The following APBB2 variants were observed in gnomAD, a reference collection of about 807,000 sequenced individuals.
APBB2 encodes the protein Fe65-like 1.
Under a neutral mutation model 82.5 loss-of-function variants are expected in APBB2, and 38 were observed. That is an observed-to-expected ratio of 0.46 (90% CI 0.36 to 0.60). APBB2 has a LOEUF of 0.60. APBB2 is among the 20% of genes least tolerant of loss of function. The pLI, the probability that APBB2 is intolerant of heterozygous loss-of-function variation, is 0.00. For missense variants in APBB2, 772 were observed against 972.3 expected, an observed-to-expected ratio of 0.79 and a Z score of 2.74; for synonymous variants, 341 against 368.2, an observed-to-expected ratio of 0.93 and a Z score of 0.85.
chr4:40,886,749 C>T (rs1448012463), intron 12 of APBB2, among the ~76,000 whole-genome samples: 1 of 152,180 alleles, frequency 6.6e-6, no homozygotes, highest in African/African-American at 2.4e-5. Flanking sequence ...TTCTAAGGCC[C>T]AGTGCACACA....
chr4:41,145,127 C>T, intron 1 of APBB2, among the ~76,000 whole-genome samples: 1 of 152,104 alleles, frequency 6.6e-6, no homozygotes, highest in East Asian at 1.9e-4. Context: ...TTCAAATACA[C>T]AAATAAATTA....
chr4:41,210,945 T>A (rs1309034552), intron 1 of APBB2, among the ~76,000 whole-genome samples: 2 of 152,206 alleles, frequency 1.3e-5, no homozygotes, highest in African/African-American at 4.8e-5. Flanking sequence ...CTTAATAGGA[T>A]AATAGGACAC....
intron 6 of APBB2, among the ~76,000 whole-genome samples, chr4:40,979,486 C>T (rs62412064): frequency 0.26 from 39,260 of 152,136 alleles, 5,247 homozygotes; most frequent in Middle Eastern, 0.34. Context: ...AAGGATTTTA[C>T]ATATTTAATT....
At chr4:40,956,261 G>A (rs1791616893) in intron 6 of APBB2, among the ~76,000 whole-genome samples, 1 of 152,262 alleles carries the variant, frequency 6.6e-6, no homozygotes, top group East Asian at 1.9e-4. Flanking sequence ...CCAGAGCCAG[G>A]ACTCTGGGTT....
At chr4:41,163,761 CAT>C (rs1293529457) in intron 1 of APBB2, among the ~76,000 whole-genome samples, 11 of 152,146 alleles carry the variant, frequency 7.2e-5, no homozygotes, top group Non-Finnish European at 5.9e-5. Flanking sequence ...ATACTCTGGG[CAT>C]GTGAGTCTGA....
chr4:40,969,701 CA>C (rs1237399548), intron 6 of APBB2, among the ~76,000 whole-genome samples: 2 of 152,146 alleles, frequency 1.3e-5, no homozygotes. Flanking sequence ...GTTGTCATGA[CA>C]ACATGACTTC....
At chr4:41,134,837 G>A (rs184692973) in intron 2 of APBB2, among the ~76,000 whole-genome samples, 27 of 152,222 alleles carry the variant, frequency 1.8e-4, no homozygotes, top group Middle Eastern at 3.4e-3. Context: ...ACTTCATTTC[G>A]TTCCCTCCAG....
chr4:40,952,544 T>C (rs184275957), intron 6 of APBB2, among the ~76,000 whole-genome samples: 1 of 152,372 alleles, frequency 6.6e-6, no homozygotes, highest in African/African-American at 2.4e-5. Flanking sequence ...GTGAAACTTC[T>C]AGGTTTCTCT....
chr4:41,108,710 T>G (rs1748117530), intron 2 of APBB2, among the ~76,000 whole-genome samples: 1 of 152,324 alleles, frequency 6.6e-6, no homozygotes, highest in South Asian at 2.1e-4. Flanking sequence ...TGGCTGAGCC[T>G]GCATCAAGGG....
At chr4:40,971,090 C>T (rs1462183315) in intron 6 of APBB2, among the ~76,000 whole-genome samples, 1 of 152,150 alleles carries the variant, frequency 6.6e-6, no homozygotes, top group Non-Finnish European at 1.5e-5. Context: ...CCTTCAAGCT[C>T]GCAATGATTC....
chr4:40,880,668 G>A (rs2154345714), intron 12 of APBB2: 3 of 985,438 alleles, frequency 3.0e-6, no homozygotes, highest in Middle Eastern at 1.0e-3. Context: ...AATCAAACAT[G>A]ATAGATCTCC....
intron 2 of APBB2, among the ~76,000 whole-genome samples, chr4:41,131,454 C>T (rs1755943985): frequency 6.6e-6 from 1 of 152,138 alleles, no homozygotes; most frequent in Admixed American, 6.5e-5. Context: ...CAATTACATA[C>T]AAACACATAC....
chr4:41,207,378 G>A (rs1186789009), intron 1 of APBB2, among the ~76,000 whole-genome samples: 1 of 152,100 alleles, frequency 6.6e-6, no homozygotes, highest in Non-Finnish European at 1.5e-5. Context: ...ATACTGCAGA[G>A]GTCTGGGCCA....
At position 40,830,391 on chromosome 4, in the gene APBB2, C is replaced by T. The variant is rs940196866; in HGVS notation, c.1644+72G>A. On this transcript the variant is annotated intron_variant, in intron 13 of 17. Transcript: ENST00000508593. Reference sequence around the variant, plus strand: ...CTGCAGGTTGATGTGCCCACTCCCCCGCCCTTCCACATCCTTTTATGCAGC... The same window carrying T: ...CTGCAGGTTGATGTGCCCACTCCCCTGCCCTTCCACATCCTTTTATGCAGC... 135 of 1,050,826 alleles carry T rather than the reference C, an allele frequency of 1.3e-4. 1 individual carries two copies. The highest frequency in any genetic ancestry group is 9.9e-4 in the South Asian group (78 of 78,902). 65.1% of individuals were successfully genotyped at this position (1,050,826 alleles called of 1,614,324 possible). A position where few individuals can be genotyped will look rare whatever the true frequency, so the allele number is the denominator to read the frequency against.
intron 10 of APBB2, among the ~76,000 whole-genome samples, chr4:40,928,880 G>A (rs187503760): frequency 1.6e-4 from 24 of 150,996 alleles, no homozygotes; most frequent in Non-Finnish European, 2.1e-4. Context: ...GTGAGCTCCC[G>A]TCTCAAAATG....
chr4:41,059,622 G>A (rs770044616), intron 4 of APBB2, among the ~76,000 whole-genome samples: 4 of 152,276 alleles, frequency 2.6e-5, no homozygotes, highest in Non-Finnish European at 5.9e-5. Flanking sequence ...TTAAGGGCAT[G>A]TTCCTGCTGC....
chr4:41,026,948 G>T (rs962706251), intron 5 of APBB2, among the ~76,000 whole-genome samples: 1 of 152,086 alleles, frequency 6.6e-6, no homozygotes, highest in African/African-American at 2.4e-5. Context: ...CAAAAAAAAA[G>T]TATCAAAGAA....
rs766666523 is a variant in APBB2 at position 40,982,221 on chromosome 4, G to GAAAAGAAAGAAAAGAAA, written c.835+31361_835+31362insTTTCTTTTCTTTCTTTT. Among the ~76,000 whole-genome samples, 120 of 12,892 alleles carry GAAAAGAAAGAAAAGAAA rather than the reference G, an allele frequency of 9.3e-3. 25 individuals are homozygous for GAAAAGAAAGAAAAGAAA. Among genetic ancestry groups the GAAAAGAAAGAAAAGAAA allele is most frequent in the East Asian group, 0.022 (8 of 370 alleles). The allele number at this position is 12,892 out of a possible 152,430, so 8.5% of individuals were successfully genotyped here. A position where few individuals can be genotyped will look rare whatever the true frequency, so the allele number is the denominator to read the frequency against. ...AAAGAAAGAAAAGAAAGAAAAGAAA[G>GAAAAGAAAGAAAAGAAA]GAAAGAAAGAAAGAAAGAAAGAAAG... On this transcript the variant is annotated intron_variant, in intron 6 of 17. Coordinates refer to ENST00000508593, the MANE Select transcript of APBB2 (RefSeq NM_004307.2).
intron 6 of APBB2, among the ~76,000 whole-genome samples, chr4:41,002,970 A>G (rs1805646683): frequency 6.6e-6 from 1 of 152,194 alleles, no homozygotes; most frequent in Non-Finnish European, 1.5e-5. Flanking sequence ...CATGGCTATT[A>G]CTGATAGTCT....
Sources: allele counts gnomAD v4.1 joint callset (sites outside exome capture counted in the v4.1 genomes callset), GRCh38; gene constraint gnomAD v4.1.1; transcripts MANE v1.5; gene names NCBI Gene and HGNC (gene_info 2026-07-23, HGNC 2026-07-21).